KIAA1217: variants seen among roughly 807,000 people sequenced by gnomAD.
The protein encoded by KIAA1217 is KIAA1217, also known as sickle tail protein homolog.
A neutral mutation model predicts 163.9 loss-of-function variants in KIAA1217; 88 were observed. The observed-to-expected ratio is 0.54, with a 90% CI of 0.45 to 0.64. KIAA1217 has a LOEUF of 0.64. KIAA1217 is among the 30% of genes least tolerant of loss of function. The pLI is 0.00. For missense variants in KIAA1217, 2,372 were observed against 2,475.0 expected, an observed-to-expected ratio of 0.96 and a Z score of 0.88; for synonymous variants, 903 against 923.1, an observed-to-expected ratio of 0.98 and a Z score of 0.39.
At chr10:24,169,479 C>T (rs2065517923) in intron 2 of KIAA1217, among the ~76,000 whole-genome samples, 1 of 144,418 alleles carries the variant, frequency 6.9e-6, no homozygotes, top group Non-Finnish European at 1.5e-5. Context: ...CCATTGTCTT[C>T]ACCACCAGAA....
chr10:24,039,147 A>C (rs535602878), intron 2 of KIAA1217, among the ~76,000 whole-genome samples: 1 of 152,044 alleles, frequency 6.6e-6, no homozygotes, highest in Admixed American at 6.5e-5. Flanking sequence ...TTTTTTTTAG[A>C]GGTTCTCCAG....
At chr10:23,867,277 T>C (rs1840239351) in intron 1 of KIAA1217, among the ~76,000 whole-genome samples, 1 of 152,060 alleles carries the variant, frequency 6.6e-6, no homozygotes, top group South Asian at 2.1e-4. Context: ...TGGTTCCAAG[T>C]CTTTGCTATT....
intron 17 of KIAA1217, among the ~76,000 whole-genome samples, chr10:24,538,468 A>G (rs760881170): frequency 2.0e-5 from 3 of 148,964 alleles, no homozygotes; most frequent in Non-Finnish European, 4.5e-5. Flanking sequence ...ACTTGAGGCC[A>G]GGAGTTCAAG....
At chr10:24,411,934 A>G (rs545982600) in intron 3 of KIAA1217, among the ~76,000 whole-genome samples, 1 of 152,232 alleles carries the variant, frequency 6.6e-6, no homozygotes, top group Non-Finnish European at 1.5e-5. Context: ...CCAGCCAAGC[A>G]TACCACCGAG....
chr10:23,748,209 G>A (rs1408668172), intron 1 of KIAA1217, among the ~76,000 whole-genome samples: 1 of 152,132 alleles, frequency 6.6e-6, no homozygotes, highest in African/African-American at 2.4e-5. Context: ...ATCTTTTGGA[G>A]TGCTTGTTTC....
chr10:24,094,683 T>C (rs549412260), intron 2 of KIAA1217, among the ~76,000 whole-genome samples: 23 of 152,116 alleles, frequency 1.5e-4, no homozygotes, highest in Non-Finnish European at 2.4e-4. Flanking sequence ...GGGTCAGGGG[T>C]CAGGGACCCA....
intron 2 of KIAA1217, among the ~76,000 whole-genome samples, chr10:24,320,671 G>T (rs2044017958): frequency 1.3e-5 from 2 of 152,144 alleles, no homozygotes; most frequent in Non-Finnish European, 2.9e-5. Context: ...AGTAGCAATT[G>T]CCATTAATTG....
At chr10:24,393,051 C>A (rs146903253) in intron 3 of KIAA1217, among the ~76,000 whole-genome samples, 2 of 151,922 alleles carry the variant, frequency 1.3e-5, no homozygotes, top group African/African-American at 2.4e-5. Flanking sequence ...TTTTTAGCAC[C>A]GGCTTTTAAA....
intron 10 of KIAA1217, among the ~76,000 whole-genome samples, chr10:24,515,764 A>G (rs1314896052): frequency 6.6e-6 from 1 of 152,244 alleles, no homozygotes; most frequent in Non-Finnish European, 1.5e-5. Flanking sequence ...TATCTTGCAC[A>G]TAGTAGTTTC....
chr10:24,425,667 C>T (rs2059117104), intron 3 of KIAA1217, among the ~76,000 whole-genome samples: 1 of 152,112 alleles, frequency 6.6e-6, no homozygotes, highest in Non-Finnish European at 1.5e-5. Context: ...GGAGATTCTC[C>T]CTCACCTTAT....
chr10:23,906,515 T>C (rs1314581098), intron 1 of KIAA1217, among the ~76,000 whole-genome samples: 1 of 152,184 alleles, frequency 6.6e-6, no homozygotes, highest in Non-Finnish European at 1.5e-5. Flanking sequence ...TTTCTGTTTG[T>C]GCAAAGTAGT....
intron 2 of KIAA1217, among the ~76,000 whole-genome samples, chr10:24,377,018 G>T (rs942629252): frequency 5.3e-5 from 8 of 152,164 alleles, no homozygotes; most frequent in African/African-American, 1.9e-4. Flanking sequence ...CTTTCATTAG[G>T]AAGAGAATAT....
chr10:23,999,462 G>C lies in KIAA1217; in HGVS notation c.-320-7763G>C, dbSNP rs560351835. Reference sequence around the variant, plus strand: ...AAGCCACTCTCACACTGCTGCCACTGCTACTTCTACCCTTCGCGTCATCTT... The same window carrying C: ...AAGCCACTCTCACACTGCTGCCACTCCTACTTCTACCCTTCGCGTCATCTT... On this transcript the variant is annotated intron_variant, in intron 1 of 18. Coordinates refer to the KIAA1217 transcript ENST00000376462. Among the ~76,000 whole-genome samples, 4 of 152,264 alleles carry C rather than the reference G, an allele frequency of 2.6e-5. No homozygotes were observed. In the South Asian group the frequency reaches 8.3e-4, roughly 32 times the overall value.
intron 1 of KIAA1217, among the ~76,000 whole-genome samples, chr10:24,000,947 C>T (rs946366338): frequency 2.0e-5 from 3 of 152,140 alleles, no homozygotes; most frequent in Admixed American, 6.5e-5. Context: ...ACTCTGATGG[C>T]CTGAACTTTT....
chr10:23,829,384 A>G (rs1368720683), intron 1 of KIAA1217, among the ~76,000 whole-genome samples: 2 of 152,194 alleles, frequency 1.3e-5, no homozygotes, highest in Non-Finnish European at 2.9e-5. Context: ...CAGCTCTGTT[A>G]TTCGTCTTCT....
chr10:23,986,795 G>C (rs1442937544), intron 1 of KIAA1217, among the ~76,000 whole-genome samples: 1 of 152,224 alleles, frequency 6.6e-6, no homozygotes, highest in Non-Finnish European at 1.5e-5. Context: ...ACGTTGTGCA[G>C]TGTACAATAC....
chr10:23,823,991 A>AC (rs1172056378), intron 1 of KIAA1217, among the ~76,000 whole-genome samples: 1 of 151,824 alleles, frequency 6.6e-6, no homozygotes, highest in African/African-American at 2.4e-5. Flanking sequence ...GGAGGGACAC[A>AC]CCGGGCATGG....
At chr10:23,770,139 A>G (rs1834729021) in intron 1 of KIAA1217, among the ~76,000 whole-genome samples, 1 of 152,194 alleles carries the variant, frequency 6.6e-6, no homozygotes, top group African/African-American at 2.4e-5. Flanking sequence ...GGCTGGGAGA[A>G]CCATTCTAAC....
chr10:24,005,947 C>T (rs1047645644), intron 1 of KIAA1217, among the ~76,000 whole-genome samples: 1 of 152,110 alleles, frequency 6.6e-6, no homozygotes, highest in African/African-American at 2.4e-5. Flanking sequence ...GAACTTATAG[C>T]TTCATGTTGT....
Sources: allele counts gnomAD v4.1 joint callset (sites outside exome capture counted in the v4.1 genomes callset), GRCh38; gene constraint gnomAD v4.1.1; transcripts MANE v1.5; gene names NCBI Gene and HGNC (gene_info 2026-07-23, HGNC 2026-07-21).